EML4: variants seen among roughly 807,000 people sequenced by gnomAD.
The protein encoded by EML4 is echinoderm microtubule-associated protein-like 4.
EML4 carries 72 observed loss-of-function variants against 129.0 expected under a neutral mutation model. The observed-to-expected ratio is 0.56, with a 90% CI of 0.46 to 0.68. The LOEUF (loss-of-function observed/expected upper bound fraction) is 0.68. EML4 is among the 30% of genes least tolerant of loss of function. The pLI, the probability that EML4 is intolerant of heterozygous loss-of-function variation, is 0.00. For missense variants in EML4, 1,363 were observed against 1,190.6 expected (o/e 1.14, Z -2.13); for synonymous variants, 532 against 405.0 (o/e 1.31, Z -3.77).
At chr2:42,259,957 C>T (rs1373103931) in intron 3 of EML4, among the ~76,000 whole-genome samples, 2 of 151,658 alleles carry the variant, frequency 1.3e-5, no homozygotes, top group Admixed American at 6.6e-5. Context: ...GTCTTGATCT[C>T]CTAACCTCGT....
At chr2:42,261,036 A>G in intron 3 of EML4, 85 bp from the exon 4 acceptor site, 2 of 1,040,082 alleles carry the variant, frequency 1.9e-6, no homozygotes, top group Middle Eastern at 2.7e-4. Flanking sequence ...AGGGTTTTGA[A>G]TTATATAATA....
At chr2:42,196,788 T>G (rs1671920325) in intron 1 of EML4, among the ~76,000 whole-genome samples, 1 of 152,186 alleles carries the variant, frequency 6.6e-6, no homozygotes, top group African/African-American at 2.4e-5. Flanking sequence ...TGCAGGAGTT[T>G]GTGGCTTGAG....
Position 42,330,050 on chromosome 2 carries a change from CTG to C in EML4, c.2792_2793del (p.Val931GlyfsTer4), listed in dbSNP as rs772500585. On this transcript the variant is annotated frameshift_variant, in exon 23 of 23. Coordinates refer to ENST00000318522, the MANE Select transcript of EML4 (RefSeq NM_019063.5). LOFTEE classifies it high-confidence loss of function. Reference sequence around the variant, plus strand: ...CTTCTGGAGAACAGCCTGGAACAAACTGTGGAGCCAAGTGAAGACCACAGCGA... The same window carrying C: ...CTTCTGGAGAACAGCCTGGAACAAACTGGAGCCAAGTGAAGACCACAGCGA... 9.9e-6 allele frequency: 16 copies of C among 1,613,300 alleles called. No homozygotes were observed. Among genetic ancestry groups the C allele is most frequent in the Admixed American group, 6.7e-5 (4 of 59,886 alleles).
chr2:42,209,943 C>A (rs1198257271), intron 1 of EML4, among the ~76,000 whole-genome samples: 2 of 115,914 alleles, frequency 1.7e-5, no homozygotes, highest in East Asian at 2.9e-4. Context: ...ACCAAAAAAA[C>A]AAACAAACAA....
chr2:42,208,863 G>T (rs1462498067), intron 1 of EML4, among the ~76,000 whole-genome samples: 1 of 150,502 alleles, frequency 6.6e-6, no homozygotes, highest in Admixed American at 6.6e-5. Flanking sequence ...ATTATGAAAT[G>T]GACATCCTTG....
chr2:42,290,543 C>T (rs1403680597), intron 11 of EML4, among the ~76,000 whole-genome samples: 1 of 139,214 alleles, frequency 7.2e-6, no homozygotes, highest in Non-Finnish European at 1.5e-5. Context: ...CCTGGGCAAA[C>T]ATAATGAGAC....
intron 1 of EML4, among the ~76,000 whole-genome samples, chr2:42,176,826 C>G (rs993846120): frequency 6.6e-6 from 1 of 152,110 alleles, no homozygotes; most frequent in East Asian, 1.9e-4. Context: ...CAGAGTTTTG[C>G]TTTGTCGCCC....
intron 1 of EML4, among the ~76,000 whole-genome samples, chr2:42,244,928 G>A (rs2104296388): frequency 6.6e-6 from 1 of 151,848 alleles, no homozygotes; most frequent in African/African-American, 2.4e-5. Flanking sequence ...AGATGATGTT[G>A]TAAAAATAGG....
intron 1 of EML4, among the ~76,000 whole-genome samples, chr2:42,222,127 A>G (rs1424242379): frequency 6.6e-6 from 1 of 152,118 alleles, no homozygotes; most frequent in Non-Finnish European, 1.5e-5. Context: ...CTGATTATGG[A>G]GAAGATAATT....
intron 8 of EML4, among the ~76,000 whole-genome samples, 195 bp from the exon 9 acceptor site, chr2:42,284,439 G>T (rs890180692): frequency 6.6e-6 from 1 of 152,182 alleles, no homozygotes; most frequent in African/African-American, 2.4e-5. Context: ...AATCTGTGCA[G>T]CTTAACAAGT....
chr2:42,242,104 T>C lies in EML4; in HGVS notation c.26-3401T>C, dbSNP rs1168911004. Among the ~76,000 whole-genome samples the C allele has an allele frequency of 2.0e-5, 3 of 152,126 alleles. No individual in the cohort carries two copies. The East Asian group carries it at 5.8e-4, about 29-fold the overall frequency. Reference sequence around the variant, plus strand: ...AAAATCAAAGTTTGTAAAAGTTTGCTGAAGGTAAGTTACCAAGCTGGTACT... The same window carrying C: ...AAAATCAAAGTTTGTAAAAGTTTGCCGAAGGTAAGTTACCAAGCTGGTACT... On this transcript the variant is annotated intron_variant, in intron 1 of 22. Transcript: ENST00000318522.
intron 1 of EML4, among the ~76,000 whole-genome samples, chr2:42,225,288 T>C (rs1277447583): frequency 6.6e-6 from 1 of 152,154 alleles, no homozygotes; most frequent in East Asian, 1.9e-4. Context: ...AGTTGCTTTG[T>C]CATATGGTAA....
chr2:42,234,514 CA>C (rs79973118), intron 1 of EML4, among the ~76,000 whole-genome samples: 17,518 of 152,126 alleles, frequency 0.12, 1,061 homozygotes, highest in East Asian at 0.17. Flanking sequence ...AAACTTGTGA[CA>C]AAAGAAGTCT....
In EML4 at chr2:42,256,552, G is replaced by A. The variant is rs1382101145; in HGVS notation, c.260G>A (p.Ser87Asn). 14 of 1,613,814 alleles carry A rather than the reference G, an allele frequency of 8.7e-6. No individual in the cohort carries two copies. Among genetic ancestry groups the A allele is most frequent in the Non-Finnish European group, 1.2e-5 (14 of 1,179,796 alleles). The change falls in exon 3 of 23, where the codon AGT (serine) becomes AAT (asparagine). Residue 87 changes from serine (S) to asparagine (N), a missense_variant. By Grantham distance (46) the Ser-to-Asn change is conservative. Coordinates refer to ENST00000318522, the MANE Select transcript of EML4 (RefSeq NM_019063.5). ...VIPMSCITNG[S>N]GANRKPSHTS... ...CCCATGTCCTGTATAACCAATGGAA[G>A]TGGTGCAAACAGAAAACCAAGTCAT...
rs1224578880 is a variant in EML4, at chr2:42,330,268, G to T, written c.*61G>T. On this transcript the variant is annotated 3_prime_UTR_variant, in exon 23 of 23. Coordinates refer to ENST00000318522, the MANE Select transcript of EML4 (RefSeq NM_019063.5). ...GCATGTGATTTTGTGATAAAGTTCA[G>T]GTAACAGGATGGGCAGTGATGGAGA... The T allele has an allele frequency of 6.7e-7, 1 of 1,485,820 alleles. No individual in the cohort carries two copies. The highest frequency in any genetic ancestry group is 1.7e-5 in the Admixed American group (1 of 58,460). 92.0% of individuals were successfully genotyped at this position (1,485,820 alleles called of 1,614,324 possible).
At chr2:42,191,380 TCA>T (rs1671571189) in intron 1 of EML4, among the ~76,000 whole-genome samples, 1 of 152,144 alleles carries the variant, frequency 6.6e-6, no homozygotes, top group Non-Finnish European at 1.5e-5. Context: ...AACAACATCC[TCA>T]AAGTTTCCCT....
At chr2:42,182,239 T>C in intron 1 of EML4, among the ~76,000 whole-genome samples, 1 of 151,240 alleles carries the variant, frequency 6.6e-6, no homozygotes, top group Non-Finnish European at 1.5e-5. Flanking sequence ...ACATGTGCCA[T>C]GCTGGTGCGC....
In EML4 at chr2:42,263,776, C is replaced by T. The variant is rs191073140; in HGVS notation, c.641+470C>T. On this transcript the variant is annotated intron_variant, in intron 5 of 22. Transcript: ENST00000318522. Reference sequence around the variant, plus strand: ...TATGGAGTCTCACTCTGTTGCCAGGCTGGAGTGCAGTGGCACAATCTTGGC... The same window carrying T: ...TATGGAGTCTCACTCTGTTGCCAGGTTGGAGTGCAGTGGCACAATCTTGGC... Among the ~76,000 whole-genome samples the T allele has an allele frequency of 5.2e-4, 79 of 152,084 alleles. 1 individual carries two copies. The highest frequency in any genetic ancestry group is 1.7e-3 in the African/African-American group (69 of 41,474).
At chr2:42,256,715 T>G in intron 3 of EML4, 85 bp downstream of exon 3, 4 of 1,493,222 alleles carry the variant, frequency 2.7e-6, no homozygotes, top group Non-Finnish European at 3.7e-6. Context: ...GAATATGAAA[T>G]AGAGCTGTTT....
Sources: allele counts gnomAD v4.1 joint callset (sites outside exome capture counted in the v4.1 genomes callset), GRCh38; gene constraint gnomAD v4.1.1; transcripts MANE v1.5; gene names NCBI Gene and HGNC (gene_info 2026-07-23, HGNC 2026-07-21).